Variants in EPB41 observed in about 807,000 individuals in gnomAD.
EPB41 encodes erythrocyte membrane protein band 4.1.
EPB41 carries 65 observed loss-of-function variants against 108.0 expected under a neutral mutation model. The ratio of observed to expected loss-of-function variants is 0.60; its 90% CI spans 0.49 to 0.74. The LOEUF is 0.74. Ranked by LOEUF, EPB41 falls within the 30% of genes least tolerant of loss-of-function variation. The pLI is 0.00. For missense variants in EPB41, 875 were observed against 1,037.0 expected (o/e 0.84, Z 2.15); for synonymous variants, 336 against 358.9 (o/e 0.94, Z 0.72).
intron 1 of EPB41, among the ~76,000 whole-genome samples, chr1:28,934,975 G>A (rs555400269): frequency 6.6e-6 from 1 of 152,018 alleles, no homozygotes; most frequent in African/African-American, 2.4e-5. Context: ...ACTAGCCAGG[G>A]GTGGTGGCGC....
At chr1:29,054,272 C>T (rs1207869403) in intron 12 of EPB41, 4 of 152,042 alleles carry the variant, frequency 2.6e-5, no homozygotes, top group Non-Finnish European at 5.9e-5. Flanking sequence ...ACATTTAAGC[C>T]GTGATGGAAT....
At chr1:29,005,515 A>G (rs1052100900) in intron 4 of EPB41, among the ~76,000 whole-genome samples, 1 of 152,154 alleles carries the variant, frequency 6.6e-6, no homozygotes, top group Non-Finnish European at 1.5e-5. Flanking sequence ...TCATTCATCT[A>G]TTCTTTGTTC....
At chr1:29,060,627 T>A (rs1646349432) in intron 15 of EPB41, 143 bp downstream of exon 15, 1 of 711,582 alleles carries the variant, frequency 1.4e-6, no homozygotes, top group Non-Finnish European at 2.5e-6. Flanking sequence ...TGCTTTTGCA[T>A]GTTGGTGAAC....
At position 28,987,557 on chromosome 1, in the gene EPB41, A is replaced by C. The variant is rs146663694; in HGVS notation, c.120A>C (p.Gln40His). 3.2e-5 allele frequency: 51 copies of C among 1,614,066 alleles called. No homozygotes were observed. Among genetic ancestry groups the C allele is most frequent in the Non-Finnish European group, 4.2e-5 (49 of 1,180,050 alleles). Residue 40 changes from glutamine (Q) to histidine (H), a missense_variant, in exon 2 of 21, where the codon CAA (glutamine) becomes CAC (histidine). Gln to His is a conservative substitution (Grantham distance 24, BLOSUM62 0). Around this residue, in one of 3 missense-constraint regions of EPB41, gnomAD observed 353 missense variants for 393.2 expected, o/e 0.90. Transcript: ENST00000343067. The part of the protein sequence containing the change: ...QQEPQQEESC[Q>H]TAAEGDNWCE... ...AACCTCAGCAGGAGGAATCTTGTCAAACAGCAGCTGAAGGAGATAATTGGT... is the reference window on the plus strand; with the variant it reads ...AACCTCAGCAGGAGGAATCTTGTCACACAGCAGCTGAAGGAGATAATTGGT...
intron 17 of EPB41, among the ~76,000 whole-genome samples, chr1:29,101,616 C>T (rs1573956919): frequency 6.6e-6 from 1 of 151,880 alleles, no homozygotes; most frequent in Non-Finnish European, 1.5e-5. Flanking sequence ...TGCAGTGAGC[C>T]GAGATCATGC....
At chr1:29,001,266 G>A (rs186939566) in intron 4 of EPB41, among the ~76,000 whole-genome samples, 1 of 152,282 alleles carries the variant, frequency 6.6e-6, no homozygotes, top group Admixed American at 6.5e-5. Flanking sequence ...GGAGGCAGAG[G>A]TCGCAGGGAG....
At chr1:28,902,685 G>T (rs1439626527) in intron 1 of EPB41, among the ~76,000 whole-genome samples, 2 of 152,160 alleles carry the variant, frequency 1.3e-5, no homozygotes, top group African/African-American at 4.8e-5. Flanking sequence ...ACCTTCAGGG[G>T]AGCTAGGTGT....
chr1:29,028,327 T>C (rs1347054481), intron 7 of EPB41, among the ~76,000 whole-genome samples: 1 of 152,196 alleles, frequency 6.6e-6, no homozygotes, highest in South Asian at 2.1e-4. Flanking sequence ...ATCCAAATTG[T>C]GTCTCTTAAT....
intron 1 of EPB41, among the ~76,000 whole-genome samples, chr1:28,957,381 G>A (rs1274262530): frequency 3.3e-5 from 5 of 152,222 alleles, no homozygotes; most frequent in African/African-American, 4.8e-5. Flanking sequence ...GAAAAAGAAT[G>A]TTCAATCTGC....
At chr1:28,982,355 G>T (rs988233276) in intron 1 of EPB41, 2 of 681,644 alleles carry the variant, frequency 2.9e-6, no homozygotes, top group African/African-American at 1.8e-5. Flanking sequence ...TTGGCCTCTC[G>T]TCGGGCTTTG....
intron 15 of EPB41, 39 bp downstream of exon 15, chr1:29,060,523 G>T: frequency 6.4e-7 from 1 of 1,557,098 alleles, no homozygotes; most frequent in South Asian, 1.1e-5. Context: ...TTGGTTGCCT[G>T]GAACCTTCTG....
intron 2 of EPB41, among the ~76,000 whole-genome samples, chr1:28,992,228 T>G (rs2096039958): frequency 6.6e-6 from 1 of 151,986 alleles, no homozygotes; most frequent in Admixed American, 6.6e-5. Flanking sequence ...AATGCAGGAG[T>G]CAAATAATTA....
At chr1:29,048,503 G>A (rs1049077690) in intron 11 of EPB41, among the ~76,000 whole-genome samples, 9 of 152,050 alleles carry the variant, frequency 5.9e-5, no homozygotes, top group African/African-American at 1.2e-4. Flanking sequence ...GAGCCACCGC[G>A]CCCGGCCTAT....
intron 14 of EPB41, among the ~76,000 whole-genome samples, chr1:29,059,389 T>C (rs1410859541): frequency 6.6e-6 from 1 of 152,152 alleles, no homozygotes; most frequent in African/African-American, 2.4e-5. Context: ...GTCAAACCTA[T>C]CTTTTGTATT....
chr1:29,081,835 C>CAAAA (rs34188995), intron 16 of EPB41, among the ~76,000 whole-genome samples: 1 of 126,370 alleles, frequency 7.9e-6, no homozygotes. Flanking sequence ...AACTCTGTCT[C>CAAAA]AAAAAAAAAA....
chr1:29,007,222 C>T lies in EPB41; in HGVS notation c.787-4643C>T, dbSNP rs555114615. 9.9e-5 allele frequency among the ~76,000 whole-genome samples: 15 copies of T among 152,122 alleles called. No homozygotes were observed. In the East Asian group the frequency reaches 2.9e-3, roughly 29 times the overall value. On this transcript the variant is annotated intron_variant, in intron 4 of 20. Transcript: ENST00000343067. ...TCCTCCTGCTTCAGCCTCCCGGCCTCGTTACTGTATAATATAATATTTCAT... is the reference window on the plus strand; with the variant it reads ...TCCTCCTGCTTCAGCCTCCCGGCCTTGTTACTGTATAATATAATATTTCAT...
At chr1:28,940,348 A>G (rs1032775450) in intron 1 of EPB41, among the ~76,000 whole-genome samples, 6 of 152,174 alleles carry the variant, frequency 3.9e-5, no homozygotes, top group Non-Finnish European at 7.3e-5. Flanking sequence ...ATTATGTTTG[A>G]TAGGTGCAAA....
At chr1:28,925,498 G>A (rs1407344819) in intron 1 of EPB41, among the ~76,000 whole-genome samples, 2 of 152,136 alleles carry the variant, frequency 1.3e-5, no homozygotes, top group African/African-American at 2.4e-5. Flanking sequence ...GTGAGGATCA[G>A]GGAAAGTAGA....
chr1:28,915,697 T>C (rs1260793915), intron 1 of EPB41, among the ~76,000 whole-genome samples: 2 of 151,162 alleles, frequency 1.3e-5, no homozygotes, highest in Non-Finnish European at 2.9e-5. Context: ...CATTAGGAGA[T>C]AGTTTTTTCT....
Sources: gnomAD v4.1 joint callset for allele counts (sites outside exome capture counted in the v4.1 genomes callset) on GRCh38, gnomAD v4.1.1 for gene constraint, gnomAD v4.1.1 regional missense constraint, MANE v1.5 for transcripts, NCBI Gene and HGNC (gene_info 2026-07-23, HGNC 2026-07-21) for gene names.